Variants in GLIS3 observed in about 807,000 individuals in gnomAD.
GLIS3 encodes zinc finger protein GLIS3.
GLIS3 carries 53 observed loss-of-function variants against 78.6 expected under a neutral mutation model. The ratio of observed to expected loss-of-function variants is 0.67; its 90% confidence interval spans 0.54 to 0.85. The LOEUF (loss-of-function observed/expected upper bound fraction) is 0.85, where lower values mean the gene tolerates loss of function less well. GLIS3 is among the 40% of genes least tolerant of loss of function. The pLI is 0.00. For missense variants in GLIS3, 1,703 were observed against 1,231.1 expected (o/e 1.38, Z -5.74); for synonymous variants, 684 against 509.9 (o/e 1.34, Z -4.60).
At chr9:4,480,625 T>G in the GLIS3 span, among the ~76,000 whole-genome samples, 2 of 152,236 alleles carry the variant, frequency 1.3e-5, no homozygotes, top group Admixed American at 1.3e-4. Context: ...TCAAAATTCC[T>G]CTGTAACAAA....
intron 2 of GLIS3, among the ~76,000 whole-genome samples, chr9:4,341,226 C>T (rs1351868688): frequency 6.6e-6 from 1 of 152,174 alleles, no homozygotes; most frequent in Non-Finnish European, 1.5e-5. Flanking sequence ...TCTACTTCCA[C>T]TTCTTCTTCA....
intron 4 of GLIS3, among the ~76,000 whole-genome samples, chr9:4,069,908 T>A (rs1365584285): frequency 1.3e-5 from 2 of 152,000 alleles, no homozygotes; most frequent in Non-Finnish European, 2.9e-5. Context: ...AGCGGAAGCC[T>A]GTGGATGTCA....
At chr9:3,992,073 G>C (rs189307409) in intron 4 of GLIS3, among the ~76,000 whole-genome samples, 3 of 152,234 alleles carry the variant, frequency 2.0e-5, no homozygotes, top group Non-Finnish European at 4.4e-5. Flanking sequence ...ATAATATAGA[G>C]TAAGTAAGAA....
the GLIS3 span, among the ~76,000 whole-genome samples, chr9:4,452,613 G>A: frequency 6.6e-6 from 1 of 152,072 alleles, no homozygotes; most frequent in Admixed American, 6.5e-5. Context: ...AACTTACAAG[G>A]GATGTGAAGG....
At chr9:3,891,698 T>A (rs984796463) in intron 7 of GLIS3, among the ~76,000 whole-genome samples, 2 of 152,112 alleles carry the variant, frequency 1.3e-5, no homozygotes, top group African/African-American at 4.8e-5. Flanking sequence ...CAAGATCCTG[T>A]CTCAAAAGAA....
At chr9:4,010,260 A>G (rs1221368428) in intron 4 of GLIS3, among the ~76,000 whole-genome samples, 1 of 152,230 alleles carries the variant, frequency 6.6e-6, no homozygotes, top group Admixed American at 6.5e-5. Flanking sequence ...CACTTACTAG[A>G]CATATAACCT....
At chr9:4,044,858 G>T (rs1005156515) in intron 4 of GLIS3, among the ~76,000 whole-genome samples, 2 of 152,306 alleles carry the variant, frequency 1.3e-5, no homozygotes, top group Middle Eastern at 3.4e-3. Context: ...ACACCATCTT[G>T]AAAGTCCCCC....
intron 8 of GLIS3, among the ~76,000 whole-genome samples, chr9:3,862,614 C>A (rs773860140): frequency 6.6e-5 from 10 of 152,184 alleles, no homozygotes; most frequent in Non-Finnish European, 1.3e-4. Flanking sequence ...ACTGTACGCA[C>A]AAGCAGTTCC....
chr9:3,922,377 T>C (rs1394516758), intron 6 of GLIS3, among the ~76,000 whole-genome samples: 4 of 152,232 alleles, frequency 2.6e-5, no homozygotes, highest in African/African-American at 4.8e-5. Context: ...TTGTAAAATA[T>C]ATGCTAACAT....
At chr9:4,393,535 A>G in the GLIS3 span, among the ~76,000 whole-genome samples, 3 of 152,302 alleles carry the variant, frequency 2.0e-5, no homozygotes, top group South Asian at 4.1e-4. Context: ...CTAATCCCGT[A>G]TCGCATTAGT....
intron 4 of GLIS3, among the ~76,000 whole-genome samples, chr9:4,010,652 C>T (rs919900477): frequency 3.9e-5 from 6 of 152,214 alleles, no homozygotes; most frequent in Admixed American, 3.9e-4. Context: ...TCATAAGTGG[C>T]TGAGATCATC....
At chr9:4,288,907 T>C (rs1828221314) in intron 1 of GLIS3, among the ~76,000 whole-genome samples, 1 of 152,140 alleles carries the variant, frequency 6.6e-6, no homozygotes, top group African/African-American at 2.4e-5. Flanking sequence ...ATATGGCGAA[T>C]ATTCCAGTTT....
In GLIS3 at chr9:4,118,536, T is replaced by A; in HGVS notation, c.942A>T (p.Ile314=). The change falls in exon 4 of 11, where the codon ATA becomes ATT. Residue 314 remains isoleucine, a synonymous_variant. Transcript: ENST00000381971. The surrounding 1 kb of genome is among the most constrained non-coding windows in gnomAD (Gnocchi z 4.7). ...ACGTGCGGATGATGGTATTGAAATC[T>A]ATCCCGATGCCATCGGACAGCGGGG... is the stretch of plus-strand genomic sequence containing the variant. ...SLSPLSDGIG[I]DFNTIIRTSP... 1 of 1,614,246 alleles carries A rather than the reference T, an allele frequency of 6.2e-7. No individual in the cohort carries two copies. The highest frequency in any genetic ancestry group is 8.5e-7 in the Non-Finnish European group (1 of 1,180,034).
intron 4 of GLIS3, among the ~76,000 whole-genome samples, chr9:3,997,876 A>C (rs1431351223): frequency 6.6e-6 from 1 of 152,170 alleles, no homozygotes; most frequent in East Asian, 1.9e-4. Context: ...GAAAAGAAAT[A>C]AAATATATCA....
the GLIS3 span, among the ~76,000 whole-genome samples, chr9:4,463,104 G>C: frequency 6.6e-6 from 1 of 152,212 alleles, no homozygotes; most frequent in Non-Finnish European, 1.5e-5. Flanking sequence ...AATCAATACA[G>C]ATAGTTCTCA....
intron 4 of GLIS3, among the ~76,000 whole-genome samples, chr9:4,061,256 T>C (rs969994374): frequency 7.6e-6 from 1 of 130,964 alleles, no homozygotes; most frequent in East Asian, 2.3e-4. Context: ...TGATGTTCCC[T>C]TTCCTGTGTC....
chr9:4,262,521 G>A (rs769062795), intron 2 of GLIS3, among the ~76,000 whole-genome samples: 39 of 152,148 alleles, frequency 2.6e-4, no homozygotes, highest in Middle Eastern at 3.4e-3. Context: ...AGGCAGAGAG[G>A]AATACCTAAC....
At chr9:4,464,012 G>A in the GLIS3 span, among the ~76,000 whole-genome samples, 1 of 152,210 alleles carries the variant, frequency 6.6e-6, no homozygotes, top group Admixed American at 6.5e-5. Context: ...TCTTAGAGAT[G>A]ATGCAATCTA....
chr9:4,024,251 A>C (rs10814815), intron 4 of GLIS3, among the ~76,000 whole-genome samples: 21,020 of 152,230 alleles, frequency 0.14, 1,482 homozygotes, highest in Middle Eastern at 0.16. Flanking sequence ...AACCTTCTCA[A>C]AAAGGAAGTT....
Sources: gnomAD v4.1 joint callset for allele counts (sites outside exome capture counted in the v4.1 genomes callset) on GRCh38, gnomAD v4.1.1 for gene constraint, Gnocchi (gnomAD v3.1) non-coding constraint, MANE v1.5 for transcripts, NCBI Gene and HGNC (gene_info 2026-07-23, HGNC 2026-07-21) for gene names.